The following EXOC6 variants were observed in gnomAD, a reference collection of about 807,000 sequenced individuals.
The protein encoded by EXOC6 is SEC15-like 1.
Under a neutral mutation model 112.5 loss-of-function variants are expected in EXOC6, and 60 were observed. The ratio of observed to expected loss-of-function variants is 0.53; its 90% CI spans 0.43 to 0.66. EXOC6 has a LOEUF of 0.66. Among genes scored for constraint, EXOC6 ranks in the 30% least tolerant of loss-of-function variants. EXOC6 has a pLI of 0.00. For missense variants in EXOC6, 855 were observed against 957.1 expected (o/e 0.89, Z 1.41); for synonymous variants, 295 against 308.0 (o/e 0.96, Z 0.44).
Position 92,848,690 on chromosome 10 carries a change from C to A in EXOC6, c.101+56C>A. 4.8e-6 allele frequency: 6 copies of A among 1,251,788 alleles called. No homozygotes were observed. In the South Asian group the frequency reaches 9.2e-5, roughly 19 times the overall value. 77.5% of individuals were successfully genotyped at this position (1,251,788 alleles called of 1,614,324 possible). On this transcript the variant is annotated intron_variant, in intron 1 of 21. Transcript: ENST00000260762. ...CCCCCGCCCCACGCCGGCCGCTCCT[C>A]ACGAGCCGGGCGGGGCGTCCGCCGC...
intron 20 of EXOC6, among the ~76,000 whole-genome samples, chr10:93,048,199 C>T (rs1407468299): frequency 6.6e-6 from 1 of 151,386 alleles, no homozygotes; most frequent in African/African-American, 2.4e-5. Flanking sequence ...ACCAACATGG[C>T]ACATGTATAC....
chr10:92,923,159 G>A (rs928867020), intron 8 of EXOC6, among the ~76,000 whole-genome samples: 7 of 152,140 alleles, frequency 4.6e-5, no homozygotes, highest in Admixed American at 2.0e-4. Flanking sequence ...CAACACTGAG[G>A]TATAACTTAT....
chr10:93,001,328 A>T (rs1161811157), intron 19 of EXOC6, among the ~76,000 whole-genome samples: 2 of 152,152 alleles, frequency 1.3e-5, no homozygotes, highest in Non-Finnish European at 2.9e-5. Context: ...TCTATAATAA[A>T]CCTGCCAAGT....
chr10:92,884,403 G>A (rs1300967568), intron 1 of EXOC6, among the ~76,000 whole-genome samples: 1 of 152,180 alleles, frequency 6.6e-6, no homozygotes, highest in Non-Finnish European at 1.5e-5. Flanking sequence ...GGGAAAGTCA[G>A]CCAGTGACTA....
intron 20 of EXOC6, among the ~76,000 whole-genome samples, chr10:93,035,487 A>G (rs1204158272): frequency 6.6e-6 from 1 of 152,206 alleles, no homozygotes; most frequent in Non-Finnish European, 1.5e-5. Context: ...AAAAGTTACA[A>G]ATATAGTTTA....
In EXOC6 at chr10:92,915,923, G is replaced by A. The variant is rs1428320971; in HGVS notation, c.819+10G>A. 1.5e-5 allele frequency: 23 copies of A among 1,505,982 alleles called. No individual in the cohort carries two copies. Among genetic ancestry groups the A allele is most frequent in the Admixed American group, 2.7e-5 (1 of 37,302 alleles). 93.3% of individuals were successfully genotyped at this position (1,505,982 alleles called of 1,614,324 possible). ...TGAGAATGAAGAAGAGGTGATAGGT[G>A]TCTTTCTTTCTTTTCTATTATTAGA... On this transcript the variant is annotated intron_variant, in intron 7 of 21. Coordinates refer to ENST00000260762, the MANE Select transcript of EXOC6 (RefSeq NM_019053.6).
Position 92,867,266 on chromosome 10 carries a change from T to G in EXOC6, c.101+18632T>G, listed in dbSNP as rs569266433. On this transcript the variant is annotated intron_variant, in intron 1 of 21. Transcript: ENST00000260762. ...TCTTTTATCTTTTACCCAAGTGATCTCTATCATCCGTCTATAAGGATCACC... is the reference window on the plus strand; with the variant it reads ...TCTTTTATCTTTTACCCAAGTGATCGCTATCATCCGTCTATAAGGATCACC... Among the ~76,000 whole-genome samples the G allele has an allele frequency of 2.0e-5, 3 of 152,300 alleles. No homozygotes were observed. In the South Asian group the frequency reaches 6.3e-4, roughly 32 times the overall value.
intron 1 of EXOC6, among the ~76,000 whole-genome samples, chr10:92,853,599 T>C (rs987336050): frequency 2.0e-5 from 3 of 152,216 alleles, no homozygotes; most frequent in Non-Finnish European, 4.4e-5. Context: ...ACACAGTCAA[T>C]TGATTTTCAA....
chr10:92,915,565 ATTTT>A (rs1172917198), intron 6 of EXOC6, among the ~76,000 whole-genome samples, 189 bp from the exon 7 acceptor site: 1 of 109,242 alleles, frequency 9.2e-6, no homozygotes, highest in Non-Finnish European at 1.8e-5. Flanking sequence ...TGAGACCCTG[ATTTT>A]TTTTTTTTTT....
chr10:93,035,658 C>T (rs772887530), intron 20 of EXOC6, among the ~76,000 whole-genome samples: 4 of 152,164 alleles, frequency 2.6e-5, no homozygotes, highest in Non-Finnish European at 5.9e-5. Flanking sequence ...AGCTCTAGAC[C>T]AGCTTGGCCA....
At chr10:93,032,294 C>CCACT (rs1458590849) in intron 20 of EXOC6, among the ~76,000 whole-genome samples, 2 of 152,102 alleles carry the variant, frequency 1.3e-5, no homozygotes, top group Non-Finnish European at 2.9e-5. Flanking sequence ...TATGATTGCA[C>CCACT]CACTGCACTC....
chr10:92,956,911 T>A (rs1054243781), intron 17 of EXOC6, among the ~76,000 whole-genome samples: 1 of 151,770 alleles, frequency 6.6e-6, no homozygotes, highest in Non-Finnish European at 1.5e-5. Context: ...TTATGAGGAG[T>A]AAGGAAGATA....
intron 1 of EXOC6, among the ~76,000 whole-genome samples, chr10:92,861,354 C>T (rs1373005389): frequency 6.6e-6 from 1 of 152,162 alleles, no homozygotes; most frequent in African/African-American, 2.4e-5. Flanking sequence ...CTTGGCTTGC[C>T]TCTCTCAGTG....
At chr10:93,006,251 A>G (rs564403902) in intron 19 of EXOC6, among the ~76,000 whole-genome samples, 1 of 152,152 alleles carries the variant, frequency 6.6e-6, no homozygotes, top group Non-Finnish European at 1.5e-5. Context: ...CTCTAATTCT[A>G]GCCTTGAAAA....
intron 1 of EXOC6, among the ~76,000 whole-genome samples, chr10:92,829,165 C>G (rs968368167): frequency 2.0e-5 from 3 of 152,142 alleles, no homozygotes; most frequent in African/African-American, 7.2e-5. Flanking sequence ...GAGCAGACAA[C>G]ATGGGGCTGG....
At chr10:92,839,070 TA>T (rs778968233) in intron 1 of EXOC6, among the ~76,000 whole-genome samples, 2,771 of 141,830 alleles carry the variant, frequency 0.02, 25 homozygotes, top group African/African-American at 0.028. Flanking sequence ...GAGACTCCTC[TA>T]AAAAAAAAAA....
chr10:92,848,570 G>T lies in EXOC6; in HGVS notation c.37G>T (p.Glu13Ter). ...ENSESLGTVP[E>*]HERILQEIES... The stretch of plus-strand genomic sequence containing the variant: ...CAGCGAGAGTCTGGGCACCGTCCCC[G>T]AGCACGAGCGGATCTTGCAGGAGAT... Residue 13 changes from glutamate to a stop codon, truncating the protein, a stop_gained, in exon 1 of 22, where the codon GAG becomes TAG. Coordinates refer to ENST00000260762, the MANE Select transcript of EXOC6 (RefSeq NM_019053.6). LOFTEE classifies it high-confidence loss of function. The T allele has an allele frequency of 6.9e-7, 1 of 1,443,360 alleles. No homozygotes were observed. Among genetic ancestry groups the T allele is most frequent in the Non-Finnish European group, 9.3e-7 (1 of 1,079,890 alleles). 89.4% of individuals were successfully genotyped at this position (1,443,360 alleles called of 1,614,324 possible). A position where few individuals can be genotyped will look rare whatever the true frequency, so the allele number is the denominator to read the frequency against.
chr10:92,992,156 G>A (rs1843289717), intron 18 of EXOC6, among the ~76,000 whole-genome samples: 1 of 151,860 alleles, frequency 6.6e-6, no homozygotes, highest in Admixed American at 6.6e-5. Flanking sequence ...GGGCATGATG[G>A]CAGATGCCTG....
intron 1 of EXOC6, among the ~76,000 whole-genome samples, chr10:92,872,931 A>G (rs1034922733): frequency 1.3e-5 from 2 of 152,166 alleles, no homozygotes; most frequent in African/African-American, 2.4e-5. Flanking sequence ...CTCTTAAGCT[A>G]TTACGCAAAG....
Sources: allele counts gnomAD v4.1 joint callset (sites outside exome capture counted in the v4.1 genomes callset), GRCh38; gene constraint gnomAD v4.1.1; transcripts MANE v1.5; gene names NCBI Gene and HGNC (gene_info 2026-07-23, HGNC 2026-07-21).